Variants in MED12L observed in about 807,000 individuals in gnomAD.
MED12L encodes mediator of RNA polymerase II transcription subunit 12-like protein.
In MED12L, 60 loss-of-function variants were observed where a neutral mutation model predicts 281.3. The ratio of observed to expected loss-of-function variants is 0.21; its 90% confidence interval spans 0.17 to 0.26. The LOEUF (loss-of-function observed/expected upper bound fraction) is 0.26. MED12L is among the 10% of genes least tolerant of loss of function. MED12L has a pLI of 1.00. For synonymous variants in MED12L, 974 were observed against 987.2 expected (o/e 0.99, Z 0.25); for missense variants, 2,146 against 2,680.9 (o/e 0.80, Z 4.41).
At chr3:151,345,719 T>G (rs1752458424) in intron 16 of MED12L, among the ~76,000 whole-genome samples, 1 of 152,038 alleles carries the variant, frequency 6.6e-6, no homozygotes. Flanking sequence ...AGTTTTCCCA[T>G]GTTGGCCAGG....
At chr3:151,132,021 G>A (rs1200937782) in intron 5 of MED12L, among the ~76,000 whole-genome samples, 1 of 152,074 alleles carries the variant, frequency 6.6e-6, no homozygotes, top group Non-Finnish European at 1.5e-5. Flanking sequence ...CAGTTCATGG[G>A]TTTTTATGAT....
chr3:151,329,545 T>C (rs770812378), intron 16 of MED12L: 1 of 1,534,894 alleles, frequency 6.5e-7, no homozygotes, highest in Non-Finnish European at 8.8e-7. Context: ...AGCCTACAAA[T>C]GAGCATGTGA....
At chr3:151,401,653 T>C (rs1715698270) in intron 39 of MED12L, among the ~76,000 whole-genome samples, 1 of 152,188 alleles carries the variant, frequency 6.6e-6, no homozygotes. Context: ...GTCTCATTTG[T>C]TAAAGGTAGG....
chr3:151,349,458 T>A (rs142242976), intron 16 of MED12L, among the ~76,000 whole-genome samples: 401 of 152,254 alleles, frequency 2.6e-3, no homozygotes, highest in African/African-American at 9.1e-3. Flanking sequence ...ATGGAATATA[T>A]ATAGTTTTGT....
intron 43 of MED12L, among the ~76,000 whole-genome samples, chr3:151,427,480 A>G (rs574706324): frequency 1.8e-4 from 27 of 152,314 alleles, no homozygotes; most frequent in Admixed American, 5.2e-4. Flanking sequence ...TGCAAAATAT[A>G]GTATCTGAGG....
Position 151,089,736 on chromosome 3 carries a change from T to C in MED12L, c.99+2711T>C, listed in dbSNP as rs182992797. ...CTGCCTGATGGATTGGTTATATTTT[T>C]TTGAGAGCTTGCTGTGCATCAGCAT... On this transcript the variant is annotated intron_variant, in intron 2 of 44. Transcript: ENST00000687756. Among the ~76,000 whole-genome samples, 139 of 152,234 alleles carry C rather than the reference T, an allele frequency of 9.1e-4. 1 individual carries two copies. The highest frequency in any genetic ancestry group is 2.6e-3 in the Admixed American group (40 of 15,296).
At chr3:151,154,398 A>C (rs978036297) in intron 5 of MED12L, among the ~76,000 whole-genome samples, 27 of 152,220 alleles carry the variant, frequency 1.8e-4, no homozygotes. Context: ...AAAGATGGAA[A>C]GATATATATG....
At chr3:151,143,589 T>G (rs1003817517) in intron 5 of MED12L, among the ~76,000 whole-genome samples, 1 of 152,184 alleles carries the variant, frequency 6.6e-6, no homozygotes, top group Non-Finnish European at 1.5e-5. Context: ...CACCAGTGCT[T>G]GTCCTCCGTT....
intron 16 of MED12L, among the ~76,000 whole-genome samples, chr3:151,217,431 A>G (rs1728456618): frequency 1.3e-5 from 2 of 152,162 alleles, no homozygotes; most frequent in Non-Finnish European, 2.9e-5. Context: ...ATTCCCCTTC[A>G]CTGCTCCCAC....
At chr3:151,112,623 A>T (rs948531981) in intron 2 of MED12L, among the ~76,000 whole-genome samples, 1 of 152,178 alleles carries the variant, frequency 6.6e-6, no homozygotes, top group Non-Finnish European at 1.5e-5. Flanking sequence ...TTTCCTTTTT[A>T]AAAATTTTAG....
At chr3:151,295,213 T>A in intron 16 of MED12L, 4 of 1,598,604 alleles carry the variant, frequency 2.5e-6, no homozygotes, top group Non-Finnish European at 3.4e-6. Context: ...GCTCGTTATC[T>A]GTAGGAGAAG....
chr3:151,237,350 C>CTTTTTTTTT (rs57239604), intron 16 of MED12L, among the ~76,000 whole-genome samples: 1 of 94,602 alleles, frequency 1.1e-5, no homozygotes, highest in Non-Finnish European at 1.9e-5. Flanking sequence ...TTTTTTTTTT[C>CTTTTTTTTT]TTTTTTTTTT....
rs370789338 is a variant in MED12L, at chr3:151,108,698, G to T, written c.100-7640G>T. 1.1e-4 allele frequency among the ~76,000 whole-genome samples: 16 copies of T among 152,288 alleles called. No individual in the cohort carries two copies. In the South Asian group the frequency reaches 3.3e-3, roughly 32 times the overall value. On this transcript the variant is annotated intron_variant, in intron 2 of 44. Coordinates refer to ENST00000687756, the MANE Select transcript of MED12L (RefSeq NM_001393769.1). ...AATTCATTGAATCGTCATGGAACTGGTTTGTTAGATGTGACTAGGGGACGG... is the reference window on the plus strand; with the variant it reads ...AATTCATTGAATCGTCATGGAACTGTTTTGTTAGATGTGACTAGGGGACGG...
At chr3:151,094,081 G>T (rs1407046747) in intron 2 of MED12L, among the ~76,000 whole-genome samples, 1 of 152,238 alleles carries the variant, frequency 6.6e-6, no homozygotes, top group Non-Finnish European at 1.5e-5. Flanking sequence ...CCACCCGCAG[G>T]TGTGTGCACG....
chr3:151,086,464 C>T (rs374322016), intron 1 of MED12L: 1 of 152,210 alleles, frequency 6.6e-6, no homozygotes, highest in Non-Finnish European at 1.5e-5. Flanking sequence ...AGCCACCAGC[C>T]TAGGCGCCAA....
At chr3:151,238,566 G>C (rs1178386253) in intron 16 of MED12L, among the ~76,000 whole-genome samples, 3 of 152,130 alleles carry the variant, frequency 2.0e-5, no homozygotes, top group Admixed American at 6.5e-5. Flanking sequence ...TATTTTCATC[G>C]TGCTGAAATT....
chr3:151,329,130 A>T, intron 16 of MED12L: 1 of 678,982 alleles, frequency 1.5e-6, no homozygotes, highest in Non-Finnish European at 2.4e-6. Context: ...TTTATCCAAC[A>T]CTTTCAATAG....
chr3:151,381,019 C>T (rs1382188459), intron 32 of MED12L, among the ~76,000 whole-genome samples: 1 of 152,186 alleles, frequency 6.6e-6, no homozygotes, highest in Non-Finnish European at 1.5e-5. Flanking sequence ...TTGGACATTG[C>T]CTTTTCACCA....
At chr3:151,385,982 T>C (rs1181713932) in intron 36 of MED12L, among the ~76,000 whole-genome samples, 1 of 152,030 alleles carries the variant, frequency 6.6e-6, no homozygotes, top group Admixed American at 6.6e-5. Context: ...AATTACAGTG[T>C]AATGAGATTT....
Sources: allele counts gnomAD v4.1 joint callset (sites outside exome capture counted in the v4.1 genomes callset), GRCh38; gene constraint gnomAD v4.1.1; transcripts MANE v1.5; gene names NCBI Gene and HGNC (gene_info 2026-07-23, HGNC 2026-07-21).